The following EEF1A1 variants were observed in gnomAD, a reference collection of about 807,000 sequenced individuals.
EEF1A1 encodes the protein eukaryotic translation elongation factor 1 alpha 1.
A neutral mutation model predicts 38.5 loss-of-function variants in EEF1A1; 1 was observed. That is an observed-to-expected ratio of 0.03 (90% CI 0.01 to 0.12). The LOEUF is 0.12. EEF1A1 is among the 10% of genes least tolerant of loss of function. The pLI, the probability that EEF1A1 is intolerant of heterozygous loss-of-function variation, is 1.00. For synonymous variants in EEF1A1, 229 were observed against 203.7 expected (o/e 1.12, Z -1.06); for missense variants, 184 against 588.3 (o/e 0.31, Z 7.11).
intron 4 of EEF1A1, 31 bp from the exon 5 acceptor site, chr6:73,518,879 C>T (rs746520771): frequency 6.2e-7 from 1 of 1,611,396 alleles, no homozygotes; most frequent in Non-Finnish European, 8.5e-7. Flanking sequence ...TTTGTGTAAG[C>T]ATGAAATCGC....
In EEF1A1 at chr6:73,518,073, G is replaced by T; in HGVS notation, c.1221C>A (p.Gly407=). Residue 407 remains glycine (G), a synonymous_variant, in exon 7 of 8, where the codon GGC becomes GGA. Coordinates refer to ENST00000309268, the MANE Select transcript of EEF1A1 (RefSeq NM_001402.6). ...GDAAIVDMVP[G]KPMCVESFSD... is the part of the protein sequence containing the mutation. ...AGAAGCTCTCAACACACATGGGCTT[G>T]CCAGGAACCATATCAACAATGGCAG... is the stretch of plus-strand genomic sequence containing the variant. 6.3e-7 allele frequency: 1 copy of T among 1,585,632 alleles called. No homozygotes were observed.
Position 73,518,367 on chromosome 6 carries a change from C to T in EEF1A1, c.1016G>A (p.Gly339Asp). Residue 339 changes from glycine (G) to aspartate (D), a missense_variant, in exon 6 of 8, where the codon GGC becomes GAC. By Grantham distance (94) the Gly-to-Asp change is moderately conservative (BLOSUM62 -1). Coordinates refer to ENST00000309268, the MANE Select transcript of EEF1A1 (RefSeq NM_001402.6). ...SKNDPPMEAAGFTAQVIILNH... is the reference protein window; with the variant it reads ...SKNDPPMEAADFTAQVIILNH... ...TTAAATTGTTACCTGAGCAGTGAAG[C>T]CAGCTGCTTCCATTGGTGGGTCATT... The T allele has an allele frequency of 6.2e-7, 1 of 1,613,788 alleles. No homozygotes were observed. Among genetic ancestry groups the T allele is most frequent in the Non-Finnish European group, 8.5e-7 (1 of 1,180,012 alleles).
intron 2 of EEF1A1, 103 bp downstream of exon 2, chr6:73,519,780 G>C (rs1378015925): frequency 2.0e-6 from 3 of 1,497,102 alleles, no homozygotes; most frequent in African/African-American, 2.8e-5. Context: ...TTAACTATTA[G>C]CATTCAGATC....
chr6:73,518,115 G>C lies in EEF1A1; in HGVS notation c.1179C>G (p.Phe393Leu), dbSNP rs1264589123. Residue 393 changes from phenylalanine to leucine, a missense_variant, in exon 7 of 8, where the codon TTC becomes TTG. This residue lies in a region of EEF1A1 where 81 missense variants were observed against 286.3 expected (regional missense o/e 0.28). Transcript: ENST00000309268. ...CAATGGCAGCATCACCAGACTTCAA[G>C]AATTTAGGGCCATCTTCCAGCTTTT... ...SGKKLEDGPK[F>L]LKSGDAAIVD... 1 of 1,605,772 alleles carries C rather than the reference G, an allele frequency of 6.2e-7. No individual in the cohort carries two copies. Among genetic ancestry groups the C allele is most frequent in the East Asian group, 2.2e-5 (1 of 44,680 alleles).
At position 73,517,913 on chromosome 6, in the gene EEF1A1, A is replaced by G; in HGVS notation, c.1286T>C (p.Met429Thr). The G allele has an allele frequency of 6.2e-7, 1 of 1,613,544 alleles. No homozygotes were observed. Among genetic ancestry groups the G allele is most frequent in the Non-Finnish European group, 8.5e-7 (1 of 1,179,900 alleles). ...GACACCCACCGCAACTGTCTGTCTCATATCACGAACAGCAAAGCGACCTAT... is the reference window on the plus strand; with the variant it reads ...GACACCCACCGCAACTGTCTGTCTCGTATCACGAACAGCAAAGCGACCTAT... The part of the protein sequence containing the change: ...PPLGRFAVRD[M>T]RQTVAVGVIK... Residue 429 changes from methionine to threonine, a missense_variant, in exon 8 of 8, where the codon ATG (methionine) becomes ACG (threonine). Coordinates refer to ENST00000309268, the MANE Select transcript of EEF1A1 (RefSeq NM_001402.6).
At chr6:73,520,500 C>T (rs933861542) in intron 1 of EEF1A1, 1 of 153,640 alleles carries the variant, frequency 6.5e-6, no homozygotes, top group Admixed American at 6.5e-5. Flanking sequence ...CACGGCGGCG[C>T]GAGGCCAGGC....
rs1765548248 is a variant in EEF1A1 at position 73,517,411 on chromosome 6, T to C, written c.*399A>G. ...AACAACCCTATTCTCCACCCAGAAG[T>C]GTTAACTCAAGAATTACATTTTCAA... On this transcript the variant is annotated 3_prime_UTR_variant, in exon 8 of 8. Transcript: ENST00000309268. The C allele has an allele frequency of 1.1e-5, 2 of 179,278 alleles. No individual in the cohort carries two copies. The highest frequency in any genetic ancestry group is 1.3e-4 in the South Asian group (1 of 7,948). 11.1% of individuals were successfully genotyped at this position (179,278 alleles called of 1,614,324 possible).
At chr6:73,520,298 G>A (rs889473968) in intron 1 of EEF1A1, 15 of 370,492 alleles carry the variant, frequency 4.0e-5, no homozygotes, top group Middle Eastern at 1.5e-3. Flanking sequence ...CCGGTACTCC[G>A]TGGAGTCACA....
At chr6:73,520,223 T>G in intron 1 of EEF1A1, 167 bp from the exon 2 acceptor site, 1 of 588,710 alleles carries the variant, frequency 1.7e-6, no homozygotes. Context: ...ATAAAACCCC[T>G]CCCCCCAACC....
At chr6:73,517,999 A>G in intron 7 of EEF1A1, 31 bp downstream of exon 7, 1 of 1,611,058 alleles carries the variant, frequency 6.2e-7, no homozygotes, top group Non-Finnish European at 8.5e-7. Context: ...TCTTTAACAC[A>G]ACTTTTTTAC....
In EEF1A1 at chr6:73,519,279, C is replaced by T. The variant is rs148964987; in HGVS notation, c.325-51G>A. The stretch of plus-strand genomic sequence containing the variant: ...CTGTCAACTCTCCAAATGACAAAAC[C>T]AGTGTACAAAGCAAGCCTTTTGGGA... On this transcript the variant is annotated intron_variant, in intron 3 of 7. Coordinates refer to ENST00000309268, the MANE Select transcript of EEF1A1 (RefSeq NM_001402.6). 1,575 of 1,606,356 alleles carry T rather than the reference C, an allele frequency of 9.8e-4. 11 individuals are homozygous for T. The East Asian group carries it at 0.016, about 16-fold the overall frequency.
Position 73,519,010 on chromosome 6 carries a change from A to G in EEF1A1, c.543T>C (p.Ile181=), listed in dbSNP as rs201057606. Residue 181 remains isoleucine (I), a synonymous_variant, in exon 4 of 8, where the codon ATT becomes ATC. Coordinates refer to ENST00000309268, the MANE Select transcript of EEF1A1 (RefSeq NM_001402.6). ...ATGCTACTGTGTCGGGGTTGTAGCCAATTTTCTTAATGTAAGTGCTGACTT... is the reference window on the plus strand; with the variant it reads ...ATGCTACTGTGTCGGGGTTGTAGCCGATTTTCTTAATGTAAGTGCTGACTT... ...VKEVSTYIKK[I]GYNPDTVAFV... is the part of the protein sequence containing the mutation. The G allele has an allele frequency of 2.5e-6, 4 of 1,603,452 alleles. No individual in the cohort carries two copies. In the African/African-American group the frequency reaches 4.0e-5, roughly 16 times the overall value.
In EEF1A1 at chr6:73,516,086, GA is replaced by G. The variant is rs1354656062; in HGVS notation, c.*1723del. ...ACTTGTGTAAACATTAGATAGCAAA[GA>G]AACTAAGGACAAAAATCTCTAGTTC... On this transcript the variant is annotated 3_prime_UTR_variant, in exon 8 of 8. Coordinates refer to ENST00000309268, the MANE Select transcript of EEF1A1 (RefSeq NM_001402.6). 6.6e-6 allele frequency: 1 copy of G among 152,162 alleles called. No individual in the cohort carries two copies. Among genetic ancestry groups the G allele is most frequent in the Admixed American group, 6.6e-5 (1 of 15,254 alleles). The allele number at this position is 152,162 out of a possible 1,614,324, so 9.4% of individuals were successfully genotyped here. A position where few individuals can be genotyped will look rare whatever the true frequency, so the allele number is the denominator to read the frequency against.
intron 4 of EEF1A1, 33 bp from the exon 5 acceptor site, chr6:73,518,881 T>C (rs768161561): frequency 3.7e-6 from 6 of 1,611,328 alleles, no homozygotes; most frequent in African/African-American, 2.7e-5. Context: ...TGTGTAAGCA[T>C]GAAATCGCCA....
chr6:73,518,687 A>C lies in EEF1A1; in HGVS notation c.772+11T>G. The C allele has an allele frequency of 1.9e-6, 3 of 1,613,992 alleles. No homozygotes were observed. Among genetic ancestry groups the C allele is most frequent in the Non-Finnish European group, 2.5e-6 (3 of 1,179,878 alleles). On this transcript the variant is annotated intron_variant, in intron 5 of 7. Coordinates refer to ENST00000309268, the MANE Select transcript of EEF1A1 (RefSeq NM_001402.6). Reference sequence around the variant, plus strand: ...TCAACTCAAATTCAACTTTGTTTACAGCCAACTTACCACCAATTTTGTAGA... The same window carrying C: ...TCAACTCAAATTCAACTTTGTTTACCGCCAACTTACCACCAATTTTGTAGA...
chr6:73,517,773 T>G lies in EEF1A1; in HGVS notation c.*37A>C, dbSNP rs1430579261. 8.4e-7 allele frequency: 1 copy of G among 1,191,002 alleles called. No homozygotes were observed. The highest frequency in any genetic ancestry group is 1.2e-6 in the Non-Finnish European group (1 of 836,368). The allele number at this position is 1,191,002 out of a possible 1,614,324, so 73.8% of individuals were successfully genotyped here. ...AGTTCTGAGACCGTTCTTCCACCACTGATTAAGAGTGGGGTGGCAGGTATT... is the reference window on the plus strand; with the variant it reads ...AGTTCTGAGACCGTTCTTCCACCACGGATTAAGAGTGGGGTGGCAGGTATT... On this transcript the variant is annotated 3_prime_UTR_variant, in exon 8 of 8. Transcript: ENST00000309268.
chr6:73,517,463 A>G lies in EEF1A1; in HGVS notation c.*347T>C, dbSNP rs1202976591. On this transcript the variant is annotated 3_prime_UTR_variant, in exon 8 of 8. Coordinates refer to ENST00000309268, the MANE Select transcript of EEF1A1 (RefSeq NM_001402.6). The stretch of plus-strand genomic sequence containing the variant: ...AAGTTTCCAGATTCGTAAAACCAGA[A>G]TTAGATGTCTTTCACCTAAATGTCT... The G allele has an allele frequency of 3.2e-5, 7 of 221,750 alleles. No individual in the cohort carries two copies. Among genetic ancestry groups the G allele is most frequent in the Admixed American group, 1.6e-4 (3 of 18,898 alleles). The allele number at this position is 221,750 out of a possible 1,614,324, so 13.7% of individuals were successfully genotyped here.
chr6:73,520,232 C>T (rs1582715560), intron 1 of EEF1A1, 176 bp from the exon 2 acceptor site: 1 of 569,122 alleles, frequency 1.8e-6, no homozygotes, highest in African/African-American at 1.9e-5. Context: ...CTCCCCCCAA[C>T]CTAAAGACGA....
chr6:73,519,303 G>A, intron 3 of EEF1A1, 34 bp downstream of exon 3: 15 of 1,606,602 alleles, frequency 9.3e-6, no homozygotes, highest in Non-Finnish European at 1.3e-5. Flanking sequence ...AGCCTTTTGG[G>A]ATAAAGAAAC....
Sources: allele counts gnomAD v4.1 joint callset, GRCh38; gene constraint gnomAD v4.1.1; regional missense constraint gnomAD v4.1.1; transcripts MANE v1.5; gene names NCBI Gene and HGNC (gene_info 2026-07-23, HGNC 2026-07-21).